Variants in TNS1 observed in about 807,000 individuals in gnomAD.
TNS1 encodes tensin 1.
TNS1 carries 62 observed loss-of-function variants against 168.6 expected under a neutral mutation model. The ratio of observed to expected loss-of-function variants is 0.37; its 90% CI spans 0.30 to 0.45. The LOEUF (loss-of-function observed/expected upper bound fraction) is 0.45. Among genes scored for constraint, TNS1 ranks in the 20% least tolerant of loss-of-function variants. The pLI, the probability that TNS1 is intolerant of heterozygous loss-of-function variation, is 1.00. For synonymous variants in TNS1, 934 were observed against 933.2 expected (o/e 1.00, Z -0.02); for missense variants, 2,240 against 2,339.4 (o/e 0.96, Z 0.88).
At position 217,893,468 on chromosome 2, in the gene TNS1, G is replaced by T; in HGVS notation, c.688C>A (p.Pro230Thr). The change falls in exon 10 of 33, where the codon CCT becomes ACT. Residue 230 changes from proline (P) to threonine (T), a missense_variant. Transcript: ENST00000682258. ...TTGTGTAGAACAACGACATTGTGAG[G>T]GTCTGCATTGAGCCATGTGTCCATG... ...KAMDTWLNAD[P>T]HNVVVLHNKG... 6.2e-7 allele frequency: 1 copy of T among 1,611,008 alleles called. No homozygotes were observed. Among genetic ancestry groups the T allele is most frequent in the African/African-American group, 1.3e-5 (1 of 74,872 alleles).
intron 3 of TNS1, among the ~76,000 whole-genome samples, chr2:217,930,450 G>A (rs1234067777): frequency 2.0e-5 from 3 of 152,162 alleles, no homozygotes; most frequent in East Asian, 3.9e-4. Context: ...GGCACACAGG[G>A]CCAAACAGAG....
intron 8 of TNS1, among the ~76,000 whole-genome samples, chr2:217,896,047 T>C (rs1396554852): frequency 6.6e-6 from 1 of 152,240 alleles, no homozygotes; most frequent in Non-Finnish European, 1.5e-5. Context: ...TCAGCCTGTC[T>C]TAAGGACTTT....
chr2:217,830,652 G>C (rs539791301), intron 22 of TNS1, among the ~76,000 whole-genome samples: 2 of 152,248 alleles, frequency 1.3e-5, no homozygotes, highest in Non-Finnish European at 2.9e-5. Flanking sequence ...AACAGGACAG[G>C]CTGTTTGACC....
At chr2:218,030,864 T>C (rs77448710) in intron 1 of TNS1, among the ~76,000 whole-genome samples, 1,928 of 152,292 alleles carry the variant, frequency 0.013, 28 homozygotes, top group African/African-American at 0.044. Context: ...TGTGTGTCAG[T>C]GTGTGTGTGA....
chr2:217,830,287 C>T (rs924861574), intron 22 of TNS1: 7 of 1,579,692 alleles, frequency 4.4e-6, no homozygotes, highest in South Asian at 1.1e-5. Flanking sequence ...GTGTCCCTGG[C>T]CATGCCGACA....
At chr2:217,899,706 C>T (rs542770812) in intron 7 of TNS1, among the ~76,000 whole-genome samples, 39 of 152,312 alleles carry the variant, frequency 2.6e-4, no homozygotes, top group South Asian at 2.5e-3. Context: ...CCAGGAAGGA[C>T]GCAAATGCAG....
upstream of TNS1, among the ~76,000 whole-genome samples, chr2:218,014,870 C>CGGAAGGAAGGAAGGAAGGAA (rs56964991): frequency 2.3e-4 from 23 of 98,100 alleles, no homozygotes; most frequent in South Asian, 7.6e-4. Flanking sequence ...GAAGGAAGGA[C>CGGAAGGAAGGAAGGAAGGAA]GGAAGGAAGG....
chr2:217,809,902 C>A lies in TNS1; in HGVS notation c.5194G>T (p.Ala1732Ser), dbSNP rs936663410. ...ISKATSETLA[A>S]DPTPAATIVH... is the part of the protein sequence containing the mutation. ...ATGGTGGCAGCTGGCGTGGGGTCTG[C>A]AGCCAACGTCTCAGATGTGGCTTTA... is the stretch of plus-strand genomic sequence containing the variant. The change falls in exon 30 of 33, where the codon GCA (alanine) becomes TCA (serine). Residue 1732 changes from alanine (A) to serine (S), a missense_variant. Ala to Ser is a moderately conservative substitution (Grantham distance 99, BLOSUM62 1). This residue lies in a region of TNS1 where 109 missense variants were observed against 168.1 expected (regional missense o/e 0.65). Coordinates refer to ENST00000682258, the MANE Select transcript of TNS1 (RefSeq NM_001387777.1). 10 of 1,613,442 alleles carry A rather than the reference C, an allele frequency of 6.2e-6. No individual in the cohort carries two copies. The highest frequency in any genetic ancestry group is 1.6e-4 in the Middle Eastern group (1 of 6,084).
intron 7 of TNS1, among the ~76,000 whole-genome samples, chr2:217,898,509 G>A (rs993869847): frequency 1.2e-4 from 18 of 152,246 alleles, no homozygotes; most frequent in Non-Finnish European, 2.9e-5. Context: ...GGCATCTCAG[G>A]TGACACGTTC....
At chr2:217,890,073 A>G (rs1444700993) in intron 12 of TNS1, among the ~76,000 whole-genome samples, 2 of 152,052 alleles carry the variant, frequency 1.3e-5, no homozygotes, top group Non-Finnish European at 2.9e-5. Flanking sequence ...TTCTGCCACT[A>G]CTCACTATAG....
intron 3 of TNS1, among the ~76,000 whole-genome samples, chr2:217,955,463 C>T (rs1024921693): frequency 3.3e-5 from 5 of 151,568 alleles, no homozygotes; most frequent in African/African-American, 1.2e-4. Context: ...ACCAGTCCCT[C>T]CAAGCTTATT....
chr2:217,848,158 G>A lies in TNS1; in HGVS notation c.2359C>T (p.Pro787Ser). The A allele has an allele frequency of 6.2e-7, 1 of 1,603,468 alleles. No homozygotes were observed. The highest frequency in any genetic ancestry group is 8.5e-7 in the Non-Finnish European group (1 of 1,174,682). The stretch of plus-strand genomic sequence containing the variant: ...GCTCTTTCCTGCTGGCGTGGAGGTG[G>A]GCGAGGCTGCTGCTGCTGCTGCTGC... Reference protein sequence around the residue: ...QQQQQQQQPRPPPRQQERAHL... With the variant: ...QQQQQQQQPRSPPRQQERAHL... Residue 787 changes from proline (P) to serine (S), a missense_variant, in exon 19 of 33, where the codon CCA becomes TCA. By Grantham distance (74) the Pro-to-Ser change is moderately conservative. This residue lies in a region of TNS1 where 2,131 missense variants were observed against 2,171.2 expected (regional missense o/e 0.98). Transcript: ENST00000682258.
chr2:217,891,181 C>G (rs975275992), intron 11 of TNS1, 136 bp from the exon 12 acceptor site: 1 of 755,354 alleles, frequency 1.3e-6, no homozygotes, highest in Non-Finnish European at 2.2e-6. Context: ...AGACAAGCCT[C>G]TTCCCCCTGC....
intron 3 of TNS1, among the ~76,000 whole-genome samples, chr2:217,943,363 G>A (rs2125948430): frequency 6.6e-6 from 1 of 152,134 alleles, no homozygotes; most frequent in South Asian, 2.1e-4. Context: ...TAGAAGAAAG[G>A]TGCCCTCACA....
At position 217,979,048 on chromosome 2, in the gene TNS1, C is replaced by T. The variant is rs1957968611; in HGVS notation, c.149-246G>A. On this transcript the variant is annotated intron_variant, in intron 2 of 32. Coordinates refer to ENST00000682258, the MANE Select transcript of TNS1 (RefSeq NM_001387777.1). ...AGGCAGGGGGCTCCCAGAGCCAGAG[C>T]CCCTCCGGGTGCGGGAAGGTGGGGG... 4 of 485,042 alleles carry T rather than the reference C, an allele frequency of 8.2e-6. No homozygotes were observed. The East Asian group carries it at 1.1e-4, about 13-fold the overall frequency. 30.0% of individuals were successfully genotyped at this position (485,042 alleles called of 1,614,324 possible). A position where few individuals can be genotyped will look rare whatever the true frequency, so the allele number is the denominator to read the frequency against.
rs569176591 is a variant in TNS1 at position 217,830,486 on chromosome 2, C to T, written c.3373+969G>A. The T allele has an allele frequency of 7.9e-4, 1,121 of 1,423,880 alleles. 2 individuals are homozygous for T. Among genetic ancestry groups the T allele is most frequent in the Admixed American group, 1.0e-3 (51 of 48,918 alleles). 88.2% of individuals were successfully genotyped at this position (1,423,880 alleles called of 1,614,324 possible). A position where few individuals can be genotyped will look rare whatever the true frequency, so the allele number is the denominator to read the frequency against. Reference sequence around the variant, plus strand: ...TTCTGAGTTCAGTGGCCCCACATGGCCACCAAGGGCCCAGGGAGCCCTGTC... The same window carrying T: ...TTCTGAGTTCAGTGGCCCCACATGGTCACCAAGGGCCCAGGGAGCCCTGTC... On this transcript the variant is annotated intron_variant, in intron 22 of 32. Coordinates refer to ENST00000682258, the MANE Select transcript of TNS1 (RefSeq NM_001387777.1).
chr2:218,001,211 C>A (rs1170323563), intron 1 of TNS1, among the ~76,000 whole-genome samples: 1 of 152,016 alleles, frequency 6.6e-6, no homozygotes, highest in Non-Finnish European at 1.5e-5. Context: ...GCACTCACAG[C>A]TGCCTTGGTC....
chr2:217,878,295 A>T (rs762484185), intron 18 of TNS1, among the ~76,000 whole-genome samples: 1 of 152,138 alleles, frequency 6.6e-6, no homozygotes, highest in African/African-American at 2.4e-5. Context: ...GCAGCCAGAG[A>T]GGTACTAGGC....
intron 18 of TNS1, among the ~76,000 whole-genome samples, chr2:217,854,487 A>G (rs1262822720): frequency 2.0e-5 from 3 of 152,184 alleles, no homozygotes; most frequent in Non-Finnish European, 4.4e-5. Flanking sequence ...ATTAAAATGC[A>G]TTACCCAGAG....
Sources: gnomAD v4.1 joint callset for allele counts (sites outside exome capture counted in the v4.1 genomes callset) on GRCh38, gnomAD v4.1.1 for gene constraint, gnomAD v4.1.1 regional missense constraint, MANE v1.5 for transcripts, NCBI Gene and HGNC (gene_info 2026-07-23, HGNC 2026-07-21) for gene names.